COL11A1: variants seen among roughly 807,000 people sequenced by gnomAD.
The protein encoded by COL11A1 is collagen alpha-1(XI) chain.
In COL11A1, 74 loss-of-function variants were observed where a neutral mutation model predicts 265.2. The observed-to-expected ratio is 0.28, with a 90% CI of 0.23 to 0.34. The LOEUF is 0.34. COL11A1 is among the 10% of genes least tolerant of loss of function. The pLI, the probability that COL11A1 is intolerant of heterozygous loss-of-function variation, is 1.00. For missense variants in COL11A1, 2,165 were observed against 2,263.6 expected, an observed-to-expected ratio of 0.96 and a Z score of 0.88; for synonymous variants, 816 against 727.6, an observed-to-expected ratio of 1.12 and a Z score of -1.96.
intron 49 of COL11A1, among the ~76,000 whole-genome samples, chr1:102,917,367 C>A (rs1451198890): frequency 2.0e-5 from 3 of 151,818 alleles, no homozygotes; most frequent in African/African-American, 7.2e-5. Context: ...AAACATAAGA[C>A]CTGAAACTAT....
At chr1:102,958,333 T>C (rs1052768634) in intron 41 of COL11A1, among the ~76,000 whole-genome samples, 2 of 152,008 alleles carry the variant, frequency 1.3e-5, no homozygotes, top group African/African-American at 4.8e-5. Context: ...TTTTTTTCAA[T>C]ATTAATTGCA....
intron 44 of COL11A1, 53 bp downstream of exon 44, chr1:102,938,982 A>C (rs1417613633): frequency 8.0e-6 from 12 of 1,499,588 alleles, no homozygotes; most frequent in Middle Eastern, 1.7e-4. Flanking sequence ...AATGGTAAAC[A>C]GTAAAAGTTG....
rs1214092700 is a variant in COL11A1 at position 102,898,911 on chromosome 1, T to C, written c.4140+30A>G. 3 of 1,092,594 alleles carry C rather than the reference T, an allele frequency of 2.7e-6. No individual in the cohort carries two copies. In the South Asian group the frequency reaches 6.3e-5, roughly 23 times the overall value. 67.7% of individuals were successfully genotyped at this position (1,092,594 alleles called of 1,614,324 possible). A position where few individuals can be genotyped will look rare whatever the true frequency, so the allele number is the denominator to read the frequency against. On this transcript the variant is annotated intron_variant, in intron 55 of 66. Transcript: ENST00000370096. ...TACCTTGTATATATAATATATAATA[T>C]ATATTATGTATATATTATTTTTTTT...
intron 35 of COL11A1, among the ~76,000 whole-genome samples, chr1:102,975,977 A>G (rs147546973): frequency 9.9e-4 from 150 of 152,248 alleles, no homozygotes; most frequent in Non-Finnish European, 1.8e-3. Flanking sequence ...TAGATTTCAC[A>G]TGAAACTACC....
In COL11A1 at chr1:103,026,013, G is replaced by T. The variant is rs12750407; in HGVS notation, c.897+203C>A. 0.065 allele frequency: 99,032 copies of T among 1,532,554 alleles called. 3,509 individuals are homozygous for T. Among genetic ancestry groups the T allele is most frequent in the African/African-American group, 0.12 (8,493 of 73,206 alleles). The allele number at this position is 1,532,554 out of a possible 1,614,324, so 94.9% of individuals were successfully genotyped here. ...AAATAAACGAGGAGGGAAATATAGA[G>T]CACAGATGAAAGGAAGGCTAAGCAA... On this transcript the variant is annotated intron_variant, in intron 6 of 66. Coordinates refer to ENST00000370096, the MANE Select transcript of COL11A1 (RefSeq NM_001854.4).
Position 103,081,365 on chromosome 1 carries a change from C to T in COL11A1, c.274+1440G>A, listed in dbSNP as rs1672399370. Among the ~76,000 whole-genome samples, 6 of 151,754 alleles carry T rather than the reference C, an allele frequency of 4.0e-5. No homozygotes were observed. In the South Asian group the frequency reaches 1.0e-3, roughly 26 times the overall value. On this transcript the variant is annotated intron_variant, in intron 2 of 66. Coordinates refer to ENST00000370096, the MANE Select transcript of COL11A1 (RefSeq NM_001854.4). ...CCCATCCCTTTTTCTATTAAGGATG[C>T]TTTAGGAAATGCAGCAGAGTGCACA... is the stretch of plus-strand genomic sequence containing the variant.
chr1:103,071,191 A>T (rs578020567), intron 4 of COL11A1, among the ~76,000 whole-genome samples: 1 of 151,896 alleles, frequency 6.6e-6, no homozygotes, highest in African/African-American at 2.4e-5. Context: ...AATCTCCCCA[A>T]AGATGGCTAT....
intron 18 of COL11A1, among the ~76,000 whole-genome samples, chr1:103,005,126 T>G (rs1226905138): frequency 6.6e-6 from 1 of 152,168 alleles, no homozygotes; most frequent in East Asian, 1.9e-4. Flanking sequence ...TGTCTTGATC[T>G]TAACATGTTA....
Position 102,979,443 on chromosome 1 carries a change from A to T in COL11A1, c.2557-8T>A. 6.3e-7 allele frequency: 1 copy of T among 1,577,524 alleles called. No individual in the cohort carries two copies. Among genetic ancestry groups the T allele is most frequent in the Non-Finnish European group, 8.7e-7 (1 of 1,147,388 alleles). ...AGGGAATCCAGTGGAACCCTACAAT[A>T]ATAAAAGTAAATAATGAATAAACAT... On this transcript the variant is annotated splice_region_variant and splice_polypyrimidine_tract_variant and intron_variant, in intron 31 of 66. Coordinates refer to ENST00000370096, the MANE Select transcript of COL11A1 (RefSeq NM_001854.4).
intron 36 of COL11A1, 120 bp downstream of exon 36, chr1:102,974,710 T>A (rs1262271683): frequency 1.3e-6 from 1 of 753,702 alleles, no homozygotes; most frequent in Admixed American, 2.7e-5. Flanking sequence ...TTGACATCAA[T>A]TGTAATTTTA....
Position 103,006,264 on chromosome 1 carries a change from T to C in COL11A1, c.1735A>G (p.Arg579Gly). ...PPGPTGKPGK[R>G]GRPGADGGRG... ...TGCACAATGAAAATAAGCCATACCC[T>C]TTTTCCAGGTTTTCCCGTTGGACCA... The change falls in exon 16 of 67, where the codon AGG becomes GGG. Residue 579 changes from arginine to glycine, a missense_variant and splice_region_variant. Transcript: ENST00000370096. 2.5e-6 allele frequency: 4 copies of C among 1,603,202 alleles called. No individual in the cohort carries two copies. The highest frequency in any genetic ancestry group is 1.7e-5 in the Admixed American group (1 of 59,150).
intron 1 of COL11A1, among the ~76,000 whole-genome samples, chr1:103,083,757 A>G (rs1336892233): frequency 6.6e-6 from 1 of 152,184 alleles, no homozygotes; most frequent in Non-Finnish European, 1.5e-5. Flanking sequence ...ATATTACTCC[A>G]TACTTCATTA....
intron 46 of COL11A1, among the ~76,000 whole-genome samples, chr1:102,929,932 C>T (rs1195873394): frequency 6.6e-6 from 1 of 152,128 alleles, no homozygotes; most frequent in African/African-American, 2.4e-5. Flanking sequence ...GATTTTAGTA[C>T]ATTGATTTTG....
intron 28 of COL11A1, among the ~76,000 whole-genome samples, chr1:102,995,470 T>C (rs1342599864): frequency 2.0e-5 from 3 of 152,092 alleles, no homozygotes; most frequent in African/African-American, 7.2e-5. Context: ...TGAATTTGTT[T>C]AAACATTTTG....
At chr1:102,959,694 G>T (rs1260182519) in intron 41 of COL11A1, among the ~76,000 whole-genome samples, 1 of 152,100 alleles carries the variant, frequency 6.6e-6, no homozygotes, top group Non-Finnish European at 1.5e-5. Context: ...CACAGTTGAA[G>T]CCAAATAAAT....
rs186820471 is a variant in COL11A1, at chr1:103,081,504, A to G, written c.274+1301T>C. 3.3e-5 allele frequency among the ~76,000 whole-genome samples: 5 copies of G among 152,040 alleles called. No individual in the cohort carries two copies. The East Asian group carries it at 9.7e-4, about 29-fold the overall frequency. On this transcript the variant is annotated intron_variant, in intron 2 of 66. Transcript: ENST00000370096. ...TTTTTATTTTCAAAGTCAGAAAAAA[A>G]GTTCATTTTATTCTTTATATTTTCA...
chr1:103,094,955 G>C (rs1208011087), intron 1 of COL11A1, among the ~76,000 whole-genome samples: 1 of 151,784 alleles, frequency 6.6e-6, no homozygotes, highest in Non-Finnish European at 1.5e-5. Flanking sequence ...TTTGATTAAG[G>C]GCAATACTAC....
At chr1:103,001,617 GAAAGA>G in intron 24 of COL11A1, 2 of 453,508 alleles carry the variant, frequency 4.4e-6, no homozygotes, top group Non-Finnish European at 7.8e-6. Context: ...AAAATAATGA[GAAAGA>G]AAAGGAGACC....
intron 46 of COL11A1, among the ~76,000 whole-genome samples, chr1:102,925,922 A>T (rs1000308877): frequency 6.6e-6 from 1 of 152,088 alleles, no homozygotes; most frequent in African/African-American, 2.4e-5. Context: ...ACACCCTTTT[A>T]GGATAGAGTG....
Sources: gnomAD v4.1 joint callset for allele counts (sites outside exome capture counted in the v4.1 genomes callset) on GRCh38, gnomAD v4.1.1 for gene constraint, MANE v1.5 for transcripts, NCBI Gene and HGNC (gene_info 2026-07-23, HGNC 2026-07-21) for gene names.